The following KIF6 variants were observed in gnomAD, a reference collection of about 807,000 sequenced individuals.
The protein encoded by KIF6 is kinesin family member 6, also known as kinesin-like protein KIF6.
KIF6 carries 106 observed loss-of-function variants against 112.7 expected under a neutral mutation model. That is an observed-to-expected ratio of 0.94 (90% CI 0.80 to 1.11). The LOEUF (loss-of-function observed/expected upper bound fraction) is 1.11, where lower values mean the gene tolerates loss of function less well. Ranked by LOEUF, KIF6 falls within the 50% of genes least tolerant of loss-of-function variation. KIF6 has a pLI of 0.00. For synonymous variants in KIF6, 339 were observed against 339.9 expected (o/e 1.00, Z 0.03); for missense variants, 929 against 964.0 (o/e 0.96, Z 0.48).
intron 5 of KIF6, among the ~76,000 whole-genome samples, chr6:39,616,714 G>C (rs57272135): frequency 1.3e-5 from 2 of 152,280 alleles, no homozygotes; most frequent in African/African-American, 4.8e-5. Flanking sequence ...CAGCCAGTGC[G>C]TCAGCCCCAC....
chr6:39,589,688 T>TGGCAGA (rs1781827804), intron 7 of KIF6, among the ~76,000 whole-genome samples: 1 of 152,182 alleles, frequency 6.6e-6, no homozygotes, highest in East Asian at 1.9e-4. Context: ...GGGGGCATGG[T>TGGCAGA]GGCAGAGGCA....
At chr6:39,371,429 G>C (rs1765981912) in intron 16 of KIF6, among the ~76,000 whole-genome samples, 1 of 152,198 alleles carries the variant, frequency 6.6e-6, no homozygotes, top group Non-Finnish European at 1.5e-5. Context: ...TAGGAGGAGA[G>C]AGAGGCCAAG....
chr6:39,667,505 G>C (rs1455989658), intron 3 of KIF6, among the ~76,000 whole-genome samples: 1 of 152,026 alleles, frequency 6.6e-6, no homozygotes, highest in Non-Finnish European at 1.5e-5. Flanking sequence ...ATCTCCCTTG[G>C]AAACACCCTC....
At chr6:39,721,665 T>A (rs1411732263) in intron 1 of KIF6, among the ~76,000 whole-genome samples, 2 of 152,130 alleles carry the variant, frequency 1.3e-5, no homozygotes, top group Non-Finnish European at 2.9e-5. Context: ...CAGCCACCAC[T>A]TTCAGAATTG....
intron 16 of KIF6, among the ~76,000 whole-genome samples, chr6:39,366,631 T>C (rs1190422662): frequency 1.3e-5 from 2 of 152,124 alleles, no homozygotes; most frequent in East Asian, 1.9e-4. Context: ...GGAACAGGCA[T>C]GCAGAAATCG....
chr6:39,501,067 C>A (rs1271326421), intron 13 of KIF6, among the ~76,000 whole-genome samples: 1 of 152,190 alleles, frequency 6.6e-6, no homozygotes, highest in Non-Finnish European at 1.5e-5. Context: ...ATCAGGGAAA[C>A]AACTAGACCC....
At chr6:39,720,290 T>C (rs1193067387) in intron 2 of KIF6, among the ~76,000 whole-genome samples, 1 of 152,158 alleles carries the variant, frequency 6.6e-6, no homozygotes, top group Non-Finnish European at 1.5e-5. Context: ...ATATAGAGTA[T>C]ACATATGTGT....
At chr6:39,456,919 A>G (rs1412149553) in intron 13 of KIF6, among the ~76,000 whole-genome samples, 1 of 151,718 alleles carries the variant, frequency 6.6e-6, no homozygotes, top group African/African-American at 2.4e-5. Context: ...CACATTAATA[A>G]TGGAGACTTT....
intron 13 of KIF6, among the ~76,000 whole-genome samples, chr6:39,451,777 A>G (rs1408049339): frequency 6.6e-6 from 1 of 152,018 alleles, no homozygotes; most frequent in Non-Finnish European, 1.5e-5. Flanking sequence ...GGTGATAAAA[A>G]CCCTAACTGA....
intron 13 of KIF6, among the ~76,000 whole-genome samples, chr6:39,442,672 A>T (rs1054054811): frequency 1.3e-5 from 2 of 152,218 alleles, no homozygotes; most frequent in Non-Finnish European, 2.9e-5. Flanking sequence ...ATGTGGCAGC[A>T]CTGAAAAAGC....
At chr6:39,580,612 T>C (rs1781233881) in intron 9 of KIF6, among the ~76,000 whole-genome samples, 1 of 152,230 alleles carries the variant, frequency 6.6e-6, no homozygotes, top group Non-Finnish European at 1.5e-5. Context: ...TCAAACACTT[T>C]TTCTGCAACT....
chr6:39,572,172 A>C (rs940999635), intron 10 of KIF6, among the ~76,000 whole-genome samples: 2 of 152,174 alleles, frequency 1.3e-5, no homozygotes, highest in Admixed American at 6.5e-5. Flanking sequence ...AAGTCTGCAG[A>C]GTCATTAAAA....
At chr6:39,686,807 GT>G (rs1306175194) in intron 3 of KIF6, among the ~76,000 whole-genome samples, 1 of 152,076 alleles carries the variant, frequency 6.6e-6, no homozygotes, top group East Asian at 1.9e-4. Flanking sequence ...ATTAATGCAT[GT>G]TTTTTTCTTC....
intron 13 of KIF6, among the ~76,000 whole-genome samples, chr6:39,524,294 T>A (rs1430616704): frequency 6.6e-6 from 1 of 152,130 alleles, no homozygotes; most frequent in African/African-American, 2.4e-5. Flanking sequence ...TTAAAAATAG[T>A]GATTAGATTA....
In KIF6 at chr6:39,333,224, G is replaced by A. The variant is rs188493680; in HGVS notation, c.*3308C>T. The A allele has an allele frequency of 6.6e-6, 1 of 152,244 alleles. No homozygotes were observed. The highest frequency in any genetic ancestry group is 2.4e-5 in the African/African-American group (1 of 41,536). 9.4% of individuals were successfully genotyped at this position (152,244 alleles called of 1,614,324 possible). On this transcript the variant is annotated 3_prime_UTR_variant, in exon 23 of 23. Coordinates refer to ENST00000287152, the MANE Select transcript of KIF6 (RefSeq NM_145027.6). ...GCTGCATGGAGAGACAATGAACTCT[G>A]CACTGAGAAATCCTAGATCCAGTCA...
intron 6 of KIF6, among the ~76,000 whole-genome samples, chr6:39,603,880 C>T (rs1782723698): frequency 6.6e-6 from 1 of 151,958 alleles, no homozygotes; most frequent in Non-Finnish European, 1.5e-5. Flanking sequence ...TCCTGTGTAC[C>T]AAAATCTTTT....
intron 21 of KIF6, among the ~76,000 whole-genome samples, chr6:39,344,043 G>A (rs1763520952): frequency 6.6e-6 from 1 of 152,128 alleles, no homozygotes; most frequent in Non-Finnish European, 1.5e-5. Flanking sequence ...GATATGGTTT[G>A]GCTGTGTCCT....
intron 10 of KIF6, among the ~76,000 whole-genome samples, chr6:39,567,031 G>A (rs757596535): frequency 3.3e-5 from 5 of 152,136 alleles, no homozygotes; most frequent in Non-Finnish European, 5.9e-5. Context: ...CTTCCTGTGT[G>A]CATGCATGAG....
chr6:39,389,189 A>G (rs1180872725), intron 15 of KIF6, among the ~76,000 whole-genome samples: 1 of 152,196 alleles, frequency 6.6e-6, no homozygotes, highest in Non-Finnish European at 1.5e-5. Context: ...ATCATGCAGA[A>G]GTGAAACTGA....
Sources: gnomAD v4.1 joint callset for allele counts (sites outside exome capture counted in the v4.1 genomes callset) on GRCh38, gnomAD v4.1.1 for gene constraint, MANE v1.5 for transcripts, NCBI Gene and HGNC (gene_info 2026-07-23, HGNC 2026-07-21) for gene names.